The following PRKAB1 variants were observed in gnomAD, a reference collection of about 807,000 sequenced individuals.
PRKAB1 encodes protein kinase AMP-activated non-catalytic subunit beta 1, also known as 5'-AMP-activated protein kinase subunit beta-1.
In PRKAB1, 18 loss-of-function variants were observed where a neutral mutation model predicts 32.0. The ratio of observed to expected loss-of-function variants is 0.56; its 90% CI spans 0.39 to 0.83. The LOEUF (loss-of-function observed/expected upper bound fraction) is 0.83. Ranked by LOEUF, PRKAB1 falls within the 40% of genes least tolerant of loss-of-function variation. The pLI is 0.00. For missense variants in PRKAB1, 263 were observed against 352.6 expected (o/e 0.75, Z 2.03); for synonymous variants, 141 against 141.4 (o/e 1.00, Z 0.02).
At position 119,676,524 on chromosome 12, in the gene PRKAB1, C is replaced by A; in HGVS notation, c.533-13C>A. 1 of 1,596,124 alleles carries A rather than the reference C, an allele frequency of 6.3e-7. No individual in the cohort carries two copies. The highest frequency in any genetic ancestry group is 1.1e-5 in the South Asian group (1 of 89,536). ...GATTTTCAAAGTAAAGTCCTGTTAC[C>A]ATCTCCCAACAGAGCTGTCCAGTTC... On this transcript the variant is annotated splice_polypyrimidine_tract_variant and intron_variant, in intron 4 of 6. Transcript: ENST00000229328.
rs1228282820 is a variant in PRKAB1, at chr12:119,676,516, C to T, written c.533-21C>T. On this transcript the variant is annotated intron_variant, in intron 4 of 6. Transcript: ENST00000229328. The stretch of plus-strand genomic sequence containing the variant: ...GAATGCCTGATTTTCAAAGTAAAGT[C>T]CTGTTACCATCTCCCAACAGAGCTG... 1.9e-6 allele frequency: 3 copies of T among 1,589,252 alleles called. No homozygotes were observed. The African/African-American group carries it at 4.0e-5, about 21-fold the overall frequency.
chr12:119,675,634 T>C (rs1955418897), intron 4 of PRKAB1, among the ~76,000 whole-genome samples: 1 of 152,248 alleles, frequency 6.6e-6, no homozygotes, highest in African/African-American at 2.4e-5. Flanking sequence ...CAGACTTCTG[T>C]TTCGACACTT....
chr12:119,676,790 A>G, intron 5 of PRKAB1, 120 bp downstream of exon 5: 2 of 1,330,946 alleles, frequency 1.5e-6, no homozygotes, highest in Non-Finnish European at 2.0e-6. Flanking sequence ...CCCTAGTGTG[A>G]ACTGTGCCGT....
chr12:119,680,174 C>G, intron 6 of PRKAB1, 74 bp from the exon 7 acceptor site: 1 of 1,530,662 alleles, frequency 6.5e-7, no homozygotes, highest in South Asian at 1.1e-5. Flanking sequence ...TTATGAAGCC[C>G]TTAATGATTC....
chr12:119,677,222 C>T (rs1955432430), intron 5 of PRKAB1: 1 of 152,310 alleles, frequency 6.6e-6, no homozygotes, highest in Non-Finnish European at 1.5e-5. Flanking sequence ...CTCTGGGATG[C>T]ATGGCACAGC....
chr12:119,671,339 G>A (rs1955387082), intron 1 of PRKAB1, among the ~76,000 whole-genome samples: 1 of 152,166 alleles, frequency 6.6e-6, no homozygotes, highest in African/African-American at 2.4e-5. Context: ...ACATCATAGA[G>A]TGTACTTACA....
chr12:119,669,985 C>G (rs1407200575), intron 1 of PRKAB1: 2 of 152,270 alleles, frequency 1.3e-5, no homozygotes, highest in African/African-American at 4.8e-5. Flanking sequence ...GAACTTCTCT[C>G]TAGTGTTGTT....
chr12:119,680,080 C>T (rs1005995325), intron 6 of PRKAB1, 79 bp downstream of exon 6: 13 of 1,533,158 alleles, frequency 8.5e-6, no homozygotes, highest in East Asian at 6.8e-5. Flanking sequence ...AATGACCTGG[C>T]GGGACTGACT....
At chr12:119,673,650 C>T (rs1955402965) in intron 2 of PRKAB1, among the ~76,000 whole-genome samples, 1 of 152,230 alleles carries the variant, frequency 6.6e-6, no homozygotes. Flanking sequence ...TTGTCATCCT[C>T]CTTGGCATCC....
rs755879464 is a variant in PRKAB1, at chr12:119,674,352, A to T, written c.430A>T (p.Ser144Cys). 6.2e-7 allele frequency: 1 copy of T among 1,613,592 alleles called. No homozygotes were observed. Among genetic ancestry groups the T allele is most frequent in the Non-Finnish European group, 8.5e-7 (1 of 1,179,478 alleles). The change falls in exon 4 of 7, where the codon AGC becomes TGC. Residue 144 changes from serine to cysteine, a missense_variant. By Grantham distance (112) the Ser-to-Cys change is moderately radical. Coordinates refer to ENST00000229328, the MANE Select transcript of PRKAB1 (RefSeq NM_006253.5). The surrounding 1 kb of genome is among the most constrained non-coding windows in gnomAD (Gnocchi z 4.3). The stretch of plus-strand genomic sequence containing the variant: ...TGTCTCTTCCCAGCCCATAGTAACC[A>T]GCCAGCTTGGCACAGTTAACAACAT... ...THDPSEPIVT[S>C]QLGTVNNIIQ...
chr12:119,668,195 C>T lies in PRKAB1; in HGVS notation c.-50C>T. The stretch of plus-strand genomic sequence containing the variant: ...GGAGTCCCTTGCTCAGGGTCCCTTT[C>T]CTGCAGTGAGGCGCCGTCCGCCTTC... On this transcript the variant is annotated 5_prime_UTR_variant, in exon 1 of 7. Coordinates refer to ENST00000229328, the MANE Select transcript of PRKAB1 (RefSeq NM_006253.5). 1.3e-6 allele frequency: 2 copies of T among 1,509,740 alleles called. No individual in the cohort carries two copies. Among genetic ancestry groups the T allele is most frequent in the East Asian group, 2.5e-5 (1 of 39,922 alleles). 93.5% of individuals were successfully genotyped at this position (1,509,740 alleles called of 1,614,324 possible).
Position 119,673,917 on chromosome 12 carries a change from G to A in PRKAB1, c.324-47G>A, listed in dbSNP as rs771928281. 14 of 1,533,428 alleles carry A rather than the reference G, an allele frequency of 9.1e-6. No individual in the cohort carries two copies. In the Admixed American group the frequency reaches 2.2e-4, roughly 24 times the overall value. The allele number at this position is 1,533,428 out of a possible 1,614,324, so 95.0% of individuals were successfully genotyped here. A position where few individuals can be genotyped will look rare whatever the true frequency, so the allele number is the denominator to read the frequency against. On this transcript the variant is annotated intron_variant, in intron 2 of 6. Coordinates refer to ENST00000229328, the MANE Select transcript of PRKAB1 (RefSeq NM_006253.5). Reference sequence around the variant, plus strand: ...TAGCTGGTTTGGCAAGTAAGCTCGGGGGGCAGCCCACCCCACGGAAGTCCT... The same window carrying A: ...TAGCTGGTTTGGCAAGTAAGCTCGGAGGGCAGCCCACCCCACGGAAGTCCT...
Position 119,668,323 on chromosome 12 carries a change from G to A in PRKAB1, c.79G>A (p.Gly27Ser), listed in dbSNP as rs761626973. Residue 27 changes from glycine to serine, a missense_variant, in exon 1 of 7, where the codon GGC becomes AGC. By Grantham distance (56) the Gly-to-Ser change is moderately conservative. Coordinates refer to ENST00000229328, the MANE Select transcript of PRKAB1 (RefSeq NM_006253.5). ...GACGCCCCGGAGGGACAGCTCGGGG[G>A]GCACCAAGGACGGGGACAGGCCCAA... is the stretch of plus-strand genomic sequence containing the variant. ...HKTPRRDSSG[G>S]TKDGDRPKIL... 6 of 1,613,162 alleles carry A rather than the reference G, an allele frequency of 3.7e-6. No individual in the cohort carries two copies. Among genetic ancestry groups the A allele is most frequent in the Non-Finnish European group, 5.1e-6 (6 of 1,179,660 alleles).
intron 1 of PRKAB1, chr12:119,671,682 G>A (rs1002149021): frequency 7.6e-5 from 17 of 224,450 alleles, no homozygotes; most frequent in African/African-American, 1.8e-4. Context: ...AGATTTGGGT[G>A]GGGACGCAGA....
chr12:119,675,670 T>G (rs1390779734), intron 4 of PRKAB1, among the ~76,000 whole-genome samples: 1 of 152,236 alleles, frequency 6.6e-6, no homozygotes, highest in Non-Finnish European at 1.5e-5. Flanking sequence ...TATTTACTCC[T>G]TATGGCTCAG....
chr12:119,669,045 A>G (rs1344122420), intron 1 of PRKAB1, among the ~76,000 whole-genome samples: 1 of 150,734 alleles, frequency 6.6e-6, no homozygotes, highest in African/African-American at 2.4e-5. Flanking sequence ...TGAACCCGGG[A>G]GGCGCAGCTT....
intron 1 of PRKAB1, among the ~76,000 whole-genome samples, chr12:119,669,159 C>CA (rs1050711055): frequency 6.6e-6 from 1 of 151,646 alleles, no homozygotes; most frequent in Admixed American, 6.6e-5. Context: ...GGTGGTCTCA[C>CA]AATGTTCTCC....
In PRKAB1 at chr12:119,679,127, A is replaced by G. The variant is rs1256585169; in HGVS notation, c.667-806A>G. The G allele has an allele frequency of 6.6e-6, 1 of 152,192 alleles. No homozygotes were observed. The highest frequency in any genetic ancestry group is 1.5e-5 in the Non-Finnish European group (1 of 68,044). 9.4% of individuals were successfully genotyped at this position (152,192 alleles called of 1,614,324 possible). Reference sequence around the variant, plus strand: ...TAAATATACATAATTTTATCTGTCAATCTTTGAAATTGATTAATTTTTTAA... The same window carrying G: ...TAAATATACATAATTTTATCTGTCAGTCTTTGAAATTGATTAATTTTTTAA... On this transcript the variant is annotated intron_variant, in intron 5 of 6. Coordinates refer to ENST00000229328, the MANE Select transcript of PRKAB1 (RefSeq NM_006253.5). The surrounding 1 kb of genome is among the most constrained non-coding windows in gnomAD (Gnocchi z 4.1).
intron 1 of PRKAB1, 44 bp from the exon 2 acceptor site, chr12:119,672,257 G>A: frequency 6.5e-7 from 1 of 1,530,614 alleles, no homozygotes; most frequent in Non-Finnish European, 8.8e-7. Context: ...GTCTGTTGTA[G>A]GGAGCTCGCT....
Sources: gnomAD v4.1 joint callset for allele counts (sites outside exome capture counted in the v4.1 genomes callset) on GRCh38, gnomAD v4.1.1 for gene constraint, Gnocchi (gnomAD v3.1) non-coding constraint, MANE v1.5 for transcripts, NCBI Gene and HGNC (gene_info 2026-07-23, HGNC 2026-07-21) for gene names.